TBC1D22B: variants seen among roughly 807,000 people sequenced by gnomAD.
TBC1D22B encodes TBC1 domain family member 22B, also known as chromosome 6 open reading frame 197.
TBC1D22B carries 32 observed loss-of-function variants against 69.1 expected under a neutral mutation model. The ratio of observed to expected loss-of-function variants is 0.46; its 90% confidence interval spans 0.35 to 0.62. TBC1D22B has a LOEUF of 0.62. Among genes scored for constraint, TBC1D22B ranks in the 20% least tolerant of loss-of-function variants. The pLI is 0.00. For synonymous variants in TBC1D22B, 206 were observed against 229.8 expected (o/e 0.90, Z 0.94); for missense variants, 462 against 630.9 (o/e 0.73, Z 2.87).
chr6:37,327,813 G>T (rs1189859099), intron 12 of TBC1D22B, among the ~76,000 whole-genome samples: 1 of 152,078 alleles, frequency 6.6e-6, no homozygotes, highest in African/African-American at 2.4e-5. Context: ...GGGAGAGTGG[G>T]GACCTTGGGA....
At chr6:37,284,561 G>A in intron 6 of TBC1D22B, 97 bp downstream of exon 6, 3 of 1,350,724 alleles carry the variant, frequency 2.2e-6, no homozygotes, top group Non-Finnish European at 2.9e-6. Flanking sequence ...CAAGTCTTCA[G>A]GCTGTGGTAT....
chr6:37,318,322 T>G (rs1768142038), intron 12 of TBC1D22B, among the ~76,000 whole-genome samples: 1 of 152,116 alleles, frequency 6.6e-6, no homozygotes, highest in African/African-American at 2.4e-5. Flanking sequence ...CTGGATGGCT[T>G]TACAGTTTAT....
Position 37,312,903 on chromosome 6 carries a change from C to T in TBC1D22B, c.983-15C>T, listed in dbSNP as rs1275368058. The T allele has an allele frequency of 6.2e-7, 1 of 1,602,910 alleles. No individual in the cohort carries two copies. The highest frequency in any genetic ancestry group is 8.5e-7 in the Non-Finnish European group (1 of 1,169,990). ...AGATAAGACCTCTGGACTTTCTTCACCTTTTGTTTTACAGAAGAGGATGTG... is the reference window on the plus strand; with the variant it reads ...AGATAAGACCTCTGGACTTTCTTCATCTTTTGTTTTACAGAAGAGGATGTG... On this transcript the variant is annotated splice_polypyrimidine_tract_variant and intron_variant, in intron 8 of 12. Transcript: ENST00000373491.
intron 12 of TBC1D22B, among the ~76,000 whole-genome samples, chr6:37,329,253 G>T (rs195409): frequency 0.25 from 38,637 of 151,980 alleles, 6,540 homozygotes; most frequent in African/African-American, 0.48. Flanking sequence ...TGTAAATATT[G>T]TTCTGCAACT....
intron 2 of TBC1D22B, among the ~76,000 whole-genome samples, chr6:37,271,801 T>C (rs1766492526): frequency 6.6e-6 from 1 of 152,022 alleles, no homozygotes; most frequent in South Asian, 2.1e-4. Flanking sequence ...CACAGTCTTC[T>C]GAATTACTGA....
At chr6:37,292,466 T>TA (rs1767217240) in intron 8 of TBC1D22B, among the ~76,000 whole-genome samples, 1 of 152,220 alleles carries the variant, frequency 6.6e-6, no homozygotes, top group South Asian at 2.1e-4. Flanking sequence ...GAGGACTTTT[T>TA]ACATATCCTC....
intron 8 of TBC1D22B, among the ~76,000 whole-genome samples, chr6:37,304,169 G>A (rs746963837): frequency 6.6e-6 from 1 of 152,212 alleles, no homozygotes; most frequent in African/African-American, 2.4e-5. Flanking sequence ...CCTAAGGGAT[G>A]GAGGTGGAGC....
intron 8 of TBC1D22B, among the ~76,000 whole-genome samples, chr6:37,299,179 A>G (rs73730590): frequency 0.026 from 4,000 of 152,230 alleles, 167 homozygotes; most frequent in African/African-American, 0.089. Flanking sequence ...CAGTGATATT[A>G]TGTATCTTTT....
rs750598496 is a variant in TBC1D22B, at chr6:37,329,698, G to A, written c.1390-1346G>A. Reference sequence around the variant, plus strand: ...AGTCCAGGGCTAACATTATGGTTTTGGAGTGTTAGGGACTCTGATTTGTCT... The same window carrying A: ...AGTCCAGGGCTAACATTATGGTTTTAGAGTGTTAGGGACTCTGATTTGTCT... On this transcript the variant is annotated intron_variant, in intron 12 of 12. Coordinates refer to ENST00000373491, the MANE Select transcript of TBC1D22B (RefSeq NM_017772.4). 2.8e-4 allele frequency among the ~76,000 whole-genome samples: 43 copies of A among 152,262 alleles called. 1 individual carries two copies. The highest frequency in any genetic ancestry group is 6.2e-4 in the South Asian group (3 of 4,820).
intron 2 of TBC1D22B, among the ~76,000 whole-genome samples, chr6:37,271,281 C>T (rs1322158548): frequency 6.6e-6 from 1 of 152,106 alleles, no homozygotes; most frequent in Non-Finnish European, 1.5e-5. Flanking sequence ...CCACTGCACT[C>T]CACCCTGGGC....
chr6:37,271,077 C>A (rs537374694), intron 2 of TBC1D22B, among the ~76,000 whole-genome samples: 2 of 152,024 alleles, frequency 1.3e-5, no homozygotes, highest in Admixed American at 1.3e-4. Context: ...CTTTGGGAGG[C>A]GGAGGTGGGC....
At position 37,331,458 on chromosome 6, in the gene TBC1D22B, G is replaced by C. The variant is rs1346866477; in HGVS notation, c.*286G>C. The C allele has an allele frequency of 9.6e-6, 3 of 313,252 alleles. No homozygotes were observed. The highest frequency in any genetic ancestry group is 1.8e-5 in the Non-Finnish European group (3 of 166,446). 19.4% of individuals were successfully genotyped at this position (313,252 alleles called of 1,614,324 possible). A position where few individuals can be genotyped will look rare whatever the true frequency, so the allele number is the denominator to read the frequency against. On this transcript the variant is annotated 3_prime_UTR_variant, in exon 13 of 13. Coordinates refer to ENST00000373491, the MANE Select transcript of TBC1D22B (RefSeq NM_017772.4). ...CCTTTAAAAGAAACTGGACAAAGAA[G>C]GGGAAGGCTCAGGGTCTCACCTCAC...
chr6:37,290,269 G>T (rs1357872136), intron 7 of TBC1D22B, among the ~76,000 whole-genome samples: 2 of 152,094 alleles, frequency 1.3e-5, no homozygotes, highest in African/African-American at 4.8e-5. Context: ...CCTATCATCT[G>T]CATGTACTCA....
At chr6:37,319,192 G>A (rs1361576853) in intron 12 of TBC1D22B, among the ~76,000 whole-genome samples, 4 of 152,242 alleles carry the variant, frequency 2.6e-5, no homozygotes, top group Admixed American at 6.5e-5. Flanking sequence ...TAGCCATGGT[G>A]CCGAGGCTTC....
intron 1 of TBC1D22B, among the ~76,000 whole-genome samples, chr6:37,267,350 T>C (rs563183191): frequency 8.1e-5 from 10 of 122,720 alleles, no homozygotes; most frequent in South Asian, 4.6e-4. Flanking sequence ...AATATATATA[T>C]ACACACATAT....
chr6:37,276,274 A>G (rs1766669168), intron 2 of TBC1D22B, among the ~76,000 whole-genome samples: 1 of 151,786 alleles, frequency 6.6e-6, no homozygotes. Context: ...CTTCTCTTTC[A>G]TTCTTGTGGG....
intron 2 of TBC1D22B, among the ~76,000 whole-genome samples, chr6:37,279,097 A>G (rs1022452323): frequency 6.6e-6 from 1 of 152,162 alleles, no homozygotes. Flanking sequence ...TTTGGTGACC[A>G]TTGCTGTCTC....
At chr6:37,272,651 G>A (rs539394809) in intron 2 of TBC1D22B, among the ~76,000 whole-genome samples, 8 of 152,306 alleles carry the variant, frequency 5.3e-5, no homozygotes, top group Non-Finnish European at 7.4e-5. Flanking sequence ...GCCTCCCAAC[G>A]TGCTGGGATT....
intron 12 of TBC1D22B, among the ~76,000 whole-genome samples, chr6:37,330,100 T>C (rs1482984867): frequency 1.3e-5 from 2 of 152,206 alleles, no homozygotes; most frequent in Non-Finnish European, 2.9e-5. Flanking sequence ...GCTATTCACA[T>C]TGCTAGTCTG....
Sources: allele counts gnomAD v4.1 joint callset (sites outside exome capture counted in the v4.1 genomes callset), GRCh38; gene constraint gnomAD v4.1.1; transcripts MANE v1.5; gene names NCBI Gene and HGNC (gene_info 2026-07-23, HGNC 2026-07-21).